RNF2: variants seen among roughly 807,000 people sequenced by gnomAD.
The protein encoded by RNF2 is ring finger protein 2.
RNF2 carries 6 observed loss-of-function variants against 37.2 expected under a neutral mutation model. That is an observed-to-expected ratio of 0.16 (90% CI 0.09 to 0.32). The LOEUF (loss-of-function observed/expected upper bound fraction) is 0.32, where lower values mean the gene tolerates loss of function less well. RNF2 is among the 10% of genes least tolerant of loss of function. RNF2 has a pLI of 1.00. For missense variants in RNF2, 251 were observed against 404.0 expected (o/e 0.62, Z 3.25); for synonymous variants, 133 against 132.7 (o/e 1.00, Z -0.02).
intron 1 of RNF2, among the ~76,000 whole-genome samples, chr1:185,085,342 G>C (rs1651556443): frequency 6.6e-6 from 1 of 151,572 alleles, no homozygotes; most frequent in African/African-American, 2.4e-5. Context: ...TAGAGACGGG[G>C]TTTCACCGTG....
chr1:185,050,029 T>C (rs1035660310), intron 1 of RNF2, among the ~76,000 whole-genome samples: 3 of 152,206 alleles, frequency 2.0e-5, no homozygotes, highest in Admixed American at 6.5e-5. Flanking sequence ...GTCTCAGCCA[T>C]AACAACATAG....
intron 4 of RNF2, among the ~76,000 whole-genome samples, chr1:185,093,883 C>G (rs992098339): frequency 3.9e-5 from 6 of 152,144 alleles, no homozygotes; most frequent in African/African-American, 1.4e-4. Flanking sequence ...AATACAAAAT[C>G]TGTCTCCAAA....
intron 1 of RNF2, among the ~76,000 whole-genome samples, chr1:185,064,556 T>G (rs566306762): frequency 6.6e-6 from 1 of 152,332 alleles, no homozygotes; most frequent in South Asian, 2.1e-4. Context: ...ACATTGAAAG[T>G]TGAAAACACT....
intron 1 of RNF2, among the ~76,000 whole-genome samples, chr1:185,064,380 T>C (rs1364266853): frequency 6.6e-6 from 1 of 152,194 alleles, no homozygotes; most frequent in Non-Finnish European, 1.5e-5. Context: ...CAGGATTTCA[T>C]ACTCTGATTT....
At chr1:185,077,343 A>G (rs569367552) in intron 1 of RNF2, among the ~76,000 whole-genome samples, 49 of 143,824 alleles carry the variant, frequency 3.4e-4, no homozygotes, top group African/African-American at 1.2e-3. Context: ...TTTTCCTACC[A>G]TAACATGACG....
intron 1 of RNF2, among the ~76,000 whole-genome samples, chr1:185,077,299 CT>C (rs1290647579): frequency 2.0e-5 from 3 of 151,992 alleles, no homozygotes; most frequent in African/African-American, 7.3e-5. Context: ...CTCCTCCCCC[CT>C]CCCTCCTACT....
At chr1:185,098,642 C>T (rs1439675836) in intron 5 of RNF2, among the ~76,000 whole-genome samples, 1 of 152,172 alleles carries the variant, frequency 6.6e-6, no homozygotes, top group Non-Finnish European at 1.5e-5. Flanking sequence ...GCAAGAATGG[C>T]TACGTTACCA....
chr1:185,088,058 C>T (rs1253828657), intron 2 of RNF2, among the ~76,000 whole-genome samples: 1 of 152,186 alleles, frequency 6.6e-6, no homozygotes, highest in Admixed American at 6.5e-5. Context: ...ACATGCTTAA[C>T]ACTGGATTAA....
At chr1:185,090,950 G>T (rs974731744) in intron 2 of RNF2, among the ~76,000 whole-genome samples, 3 of 152,156 alleles carry the variant, frequency 2.0e-5, no homozygotes, top group Non-Finnish European at 4.4e-5. Context: ...ATATATTCTG[G>T]TTTAAATCAG....
intron 1 of RNF2, among the ~76,000 whole-genome samples, chr1:185,077,625 G>GTTTTTTTTTTTTTTTTTTTTTT (rs528747420): frequency 1.5e-4 from 17 of 115,668 alleles, no homozygotes; most frequent in African/African-American, 4.9e-4. Context: ...AATTAACTTT[G>GTTTTTTTTTTTTTTTTTTTTTT]TTTTTTTTTT....
intron 2 of RNF2, 41 bp from the exon 3 acceptor site, chr1:185,091,538 A>C (rs777280395): frequency 6.3e-7 from 1 of 1,598,046 alleles, no homozygotes; most frequent in Non-Finnish European, 8.5e-7. Flanking sequence ...TCCATAATAA[A>C]AAATTAAGTA....
At chr1:185,073,844 T>G (rs1651061682) in intron 1 of RNF2, among the ~76,000 whole-genome samples, 1 of 152,224 alleles carries the variant, frequency 6.6e-6, no homozygotes, top group Admixed American at 6.5e-5. Context: ...AACTCTTTAG[T>G]CACCAACTGG....
At chr1:185,047,933 T>TA (rs1191132885) in intron 1 of RNF2, among the ~76,000 whole-genome samples, 2 of 152,356 alleles carry the variant, frequency 1.3e-5, no homozygotes, top group Non-Finnish European at 2.9e-5. Context: ...CATAGTAACT[T>TA]AGTGTTTATT....
At chr1:185,068,699 T>C (rs1650872404) in intron 1 of RNF2, among the ~76,000 whole-genome samples, 1 of 152,248 alleles carries the variant, frequency 6.6e-6, no homozygotes, top group Admixed American at 6.5e-5. Flanking sequence ...GAGAATAACT[T>C]ACTGTTGTTA....
chr1:185,092,974 G>A (rs1651812156), intron 3 of RNF2, 87 bp from the exon 4 acceptor site: 3 of 1,099,642 alleles, frequency 2.7e-6, no homozygotes, highest in Non-Finnish European at 4.1e-6. Context: ...GAATAAAGGT[G>A]AATAACTATC....
At chr1:185,086,294 G>A (rs1324057408) in intron 1 of RNF2, among the ~76,000 whole-genome samples, 4 of 152,016 alleles carry the variant, frequency 2.6e-5, no homozygotes, top group Admixed American at 2.6e-4. Context: ...CTTGACTAGT[G>A]AGAAATATTT....
At chr1:185,055,121 G>A (rs1650395552) in intron 1 of RNF2, among the ~76,000 whole-genome samples, 1 of 152,196 alleles carries the variant, frequency 6.6e-6, no homozygotes, top group Non-Finnish European at 1.5e-5. Flanking sequence ...GGGCTTTAGG[G>A]AATAGGGAAA....
In RNF2 at chr1:185,082,822, CTAAAATAAACA is replaced by C. The variant is rs1651468963; in HGVS notation, c.-2-4723_-2-4713del. Reference sequence around the variant, plus strand: ...TTTTGTCTAATAACATTTCCATAGTCTAAAATAAACATAAAATGAACAGCAAGTAACAAGTC... The same window carrying C: ...TTTTGTCTAATAACATTTCCATAGTCTAAAATGAACAGCAAGTAACAAGTC... On this transcript the variant is annotated intron_variant, in intron 1 of 6. Coordinates refer to ENST00000367510, the MANE Select transcript of RNF2 (RefSeq NM_007212.4). 4.6e-5 allele frequency among the ~76,000 whole-genome samples: 7 copies of C among 152,200 alleles called. No homozygotes were observed. The South Asian group carries it at 1.5e-3, about 32-fold the overall frequency.
At chr1:185,060,254 A>G (rs763431163) in intron 1 of RNF2, among the ~76,000 whole-genome samples, 3 of 152,218 alleles carry the variant, frequency 2.0e-5, no homozygotes, top group Non-Finnish European at 4.4e-5. Context: ...TGTGTTTCAC[A>G]TATCCCTCAC....
Sources: allele counts gnomAD v4.1 joint callset (sites outside exome capture counted in the v4.1 genomes callset), GRCh38; gene constraint gnomAD v4.1.1; transcripts MANE v1.5; gene names NCBI Gene and HGNC (gene_info 2026-07-23, HGNC 2026-07-21).